The following GREB1 variants were observed in gnomAD, a reference collection of about 807,000 sequenced individuals.
GREB1 encodes growth regulating estrogen receptor binding 1.
In GREB1, 106 loss-of-function variants were observed where a neutral mutation model predicts 200.7. The ratio of observed to expected loss-of-function variants is 0.53; its 90% CI spans 0.45 to 0.62. The LOEUF is 0.62. Among genes scored for constraint, GREB1 ranks in the 20% least tolerant of loss-of-function variants. The probability of loss-of-function intolerance (pLI) is 0.00; values close to 1 mark genes in which losing one functional copy is unlikely to be tolerated. For missense variants in GREB1, 2,243 were observed against 2,556.8 expected (o/e 0.88, Z 2.65); for synonymous variants, 1,132 against 1,092.4 (o/e 1.04, Z -0.72).
chr2:11,543,899 C>T (rs1674994349), intron 1 of GREB1, among the ~76,000 whole-genome samples: 1 of 151,958 alleles, frequency 6.6e-6, no homozygotes, highest in Admixed American at 6.6e-5. Flanking sequence ...TGTGAATGGA[C>T]CGGGGAGTGG....
Position 11,597,731 on chromosome 2 carries a change from G to T in GREB1, c.1955-50G>T, listed in dbSNP as rs775014971. On this transcript the variant is annotated intron_variant, in intron 13 of 32. Coordinates refer to ENST00000381486, the MANE Select transcript of GREB1 (RefSeq NM_014668.4). The surrounding 1 kb of genome is among the most constrained non-coding windows in gnomAD (Gnocchi z 4.1). ...TGATTCTCTGGCCAAGGGCCTGGCA[G>T]TAGCCGTGTGCCCTGGAGCTCACCT... 1.9e-6 allele frequency: 3 copies of T among 1,548,692 alleles called. No homozygotes were observed. Among genetic ancestry groups the T allele is most frequent in the East Asian group, 2.2e-5 (1 of 44,522 alleles).
intron 1 of GREB1, among the ~76,000 whole-genome samples, chr2:11,542,257 AG>A (rs1186294086): frequency 2.0e-5 from 3 of 152,240 alleles, no homozygotes; most frequent in Non-Finnish European, 4.4e-5. Flanking sequence ...GGGCAGGCAT[AG>A]AACAGGCCAG....
chr2:11,585,218 C>T lies in GREB1; in HGVS notation c.959C>T (p.Ser320Phe). The change falls in exon 8 of 33, where the codon TCT (serine) becomes TTT (phenylalanine). Residue 320 changes from serine to phenylalanine, a missense_variant. Around this residue, in one of 3 missense-constraint regions of GREB1, gnomAD observed 1,178 missense variants for 1,387.4 expected, o/e 0.85. Coordinates refer to ENST00000381486, the MANE Select transcript of GREB1 (RefSeq NM_014668.4). ...CGCCACAAAGGGTGGTCTCCAGAAT[C>T]TCCATCAGCTCCAGATGGTGGCTGC... ...KKRHKGWSPESPSAPDGGCPQ... is the reference protein window; with the variant it reads ...KKRHKGWSPEFPSAPDGGCPQ... 6.3e-7 allele frequency: 1 copy of T among 1,583,924 alleles called. No homozygotes were observed. The highest frequency in any genetic ancestry group is 1.2e-5 in the South Asian group (1 of 85,640).
chr2:11,639,591 G>A (rs1685659592), intron 32 of GREB1, among the ~76,000 whole-genome samples: 1 of 152,184 alleles, frequency 6.6e-6, no homozygotes, highest in African/African-American at 2.4e-5. Flanking sequence ...ACGATTTCCA[G>A]TCTGCATTTC....
rs1211011498 is a variant in GREB1 at position 11,587,739 on chromosome 2, A to ACGCG, written c.1160-1006_1160-1005insGCGC. On this transcript the variant is annotated intron_variant, in intron 9 of 32. Coordinates refer to ENST00000381486, the MANE Select transcript of GREB1 (RefSeq NM_014668.4). ...CACACACACACACACACACACACAC[A>ACGCG]CACGCCACCTTTGGGAGCTCAGCAG... is the stretch of plus-strand genomic sequence containing the variant. The ACGCG allele has an allele frequency of 1.1e-3, 741 of 697,790 alleles. 84 individuals are homozygous for ACGCG. In the East Asian group the frequency reaches 0.017, roughly 16 times the overall value. 43.2% of individuals were successfully genotyped at this position (697,790 alleles called of 1,614,324 possible).
At position 11,556,485 on chromosome 2, in the gene GREB1, C is replaced by T. The variant is rs541283579; in HGVS notation, c.-130C>T. ...CAGCTGAGGACAGCCACCCTTTCTT[C>T]GTCTCTGCTGAGCGAAGGCTACACG... On this transcript the variant is annotated 5_prime_UTR_variant, in exon 2 of 33. Coordinates refer to ENST00000381486, the MANE Select transcript of GREB1 (RefSeq NM_014668.4). The T allele has an allele frequency of 1.5e-5, 10 of 674,112 alleles. No individual in the cohort carries two copies. The highest frequency in any genetic ancestry group is 2.8e-5 in the Admixed American group (1 of 35,938). The allele number at this position is 674,112 out of a possible 1,614,324, so 41.8% of individuals were successfully genotyped here. A position where few individuals can be genotyped will look rare whatever the true frequency, so the allele number is the denominator to read the frequency against.
chr2:11,605,558 C>G (rs1212299633), intron 17 of GREB1, among the ~76,000 whole-genome samples: 1 of 152,104 alleles, frequency 6.6e-6, no homozygotes, highest in Non-Finnish European at 1.5e-5. Context: ...ACATTTTGAT[C>G]CACGTATAGA....
chr2:11,603,614 A>G (rs1681979626), intron 17 of GREB1, among the ~76,000 whole-genome samples: 1 of 152,198 alleles, frequency 6.6e-6, no homozygotes, highest in Non-Finnish European at 1.5e-5. Flanking sequence ...CAGAAACTAA[A>G]TCTCTTAGAT....
chr2:11,515,627 G>C (rs1176441859), intron 1 of GREB1, among the ~76,000 whole-genome samples: 1 of 152,194 alleles, frequency 6.6e-6, no homozygotes, highest in African/African-American at 2.4e-5. Flanking sequence ...TGACCTGGTG[G>C]CTTCAAGGTG....
At chr2:11,515,698 G>C (rs911689941) in intron 1 of GREB1, among the ~76,000 whole-genome samples, 18 of 152,234 alleles carry the variant, frequency 1.2e-4, no homozygotes, top group Non-Finnish European at 7.3e-5. Flanking sequence ...GGGCAGAGCA[G>C]ATGTTCTCAG....
intron 4 of GREB1, among the ~76,000 whole-genome samples, chr2:11,574,189 G>A (rs901699366): frequency 5.3e-5 from 8 of 152,174 alleles, no homozygotes; most frequent in Admixed American, 2.6e-4. Flanking sequence ...CTTCCCTCTC[G>A]ATGTTAACCG....
Position 11,592,855 on chromosome 2 carries a change from C to G in GREB1, c.1425C>G (p.Ile475Met), listed in dbSNP as rs1680872219. ...GGCGCGAGTCGCACCTGACCGAGAT[C>G]CGGCAGTACCAGCAGGCGCCGCCGC... Reference protein sequence around the residue: ...RSWRESHLTEIRQYQQAPPQP... With the variant: ...RSWRESHLTEMRQYQQAPPQP... Residue 475 changes from isoleucine to methionine, a missense_variant, in exon 11 of 33, where the codon ATC becomes ATG. Around this residue, in one of 3 missense-constraint regions of GREB1, gnomAD observed 1,178 missense variants for 1,387.4 expected, o/e 0.85. Transcript: ENST00000381486. The G allele has an allele frequency of 6.3e-7, 1 of 1,599,890 alleles. No homozygotes were observed. Among genetic ancestry groups the G allele is most frequent in the African/African-American group, 1.4e-5 (1 of 73,510 alleles).
At chr2:11,534,680 A>T (rs761490390) in intron 1 of GREB1, among the ~76,000 whole-genome samples, 1 of 152,218 alleles carries the variant, frequency 6.6e-6, no homozygotes, top group Non-Finnish European at 1.5e-5. Context: ...GTTGGGAAAC[A>T]GAGTGTGGCC....
intron 1 of GREB1, among the ~76,000 whole-genome samples, chr2:11,545,449 G>A (rs936073664): frequency 5.9e-5 from 9 of 152,110 alleles, no homozygotes; most frequent in Admixed American, 1.3e-4. Context: ...AACTTTCTAT[G>A]GCAGCTCCCC....
In GREB1 at chr2:11,552,171, C is replaced by T. The variant is rs577816510; in HGVS notation, c.-161-4283C>T. Among the ~76,000 whole-genome samples the T allele has an allele frequency of 2.4e-4, 36 of 152,298 alleles. No individual in the cohort carries two copies. In the East Asian group the frequency reaches 6.6e-3, roughly 28 times the overall value. On this transcript the variant is annotated intron_variant, in intron 1 of 32. Transcript: ENST00000381486. ...GTGCATTAAGGTGAAGGCTGTTGTTCGGCCATCATCACTGCCCTGATGGGC... is the reference window on the plus strand; with the variant it reads ...GTGCATTAAGGTGAAGGCTGTTGTTTGGCCATCATCACTGCCCTGATGGGC...
Position 11,616,612 on chromosome 2 carries a change from CGT to C in GREB1, c.3323-12_3323-11del. 1 of 1,486,326 alleles carries C rather than the reference CGT, an allele frequency of 6.7e-7. No individual in the cohort carries two copies. Among genetic ancestry groups the C allele is most frequent in the Non-Finnish European group, 9.4e-7 (1 of 1,063,428 alleles). The allele number at this position is 1,486,326 out of a possible 1,614,324, so 92.1% of individuals were successfully genotyped here. The stretch of plus-strand genomic sequence containing the variant: ...AATGGTGATTTCGGTGCATTCTCAG[CGT>C]GTGTGTTTTGGAACAGGCTCTACCT... On this transcript the variant is annotated splice_polypyrimidine_tract_variant and intron_variant, in intron 20 of 32. Coordinates refer to ENST00000381486, the MANE Select transcript of GREB1 (RefSeq NM_014668.4).
intron 1 of GREB1, among the ~76,000 whole-genome samples, chr2:11,516,995 C>A (rs902238433): frequency 6.6e-6 from 1 of 152,220 alleles, no homozygotes; most frequent in African/African-American, 2.4e-5. Flanking sequence ...CCAGTCCAAG[C>A]TCCTTAATAT....
At position 11,620,976 on chromosome 2, in the gene GREB1, G is replaced by A; in HGVS notation, c.4116G>A (p.Val1372=). 1 of 1,610,964 alleles carries A rather than the reference G, an allele frequency of 6.2e-7. No homozygotes were observed. Among genetic ancestry groups the A allele is most frequent in the Non-Finnish European group, 8.5e-7 (1 of 1,177,078 alleles). Residue 1372 remains valine, a synonymous_variant, in exon 23 of 33, where the codon GTG becomes GTA. Transcript: ENST00000381486. ...GGATGCTTGTTCGGCTCACAGAAGT[G>A]GATGTCTATGACGAGGAGGAGATCA... ...LSRMLVRLTE[V]DVYDEEEINI... is the part of the protein sequence containing the mutation.
intron 6 of GREB1, 57 bp downstream of exon 6, chr2:11,578,488 G>C: frequency 1.3e-6 from 2 of 1,573,350 alleles, no homozygotes; most frequent in South Asian, 2.2e-5. Context: ...CACTGTCTCC[G>C]ATGTGTCCGG....
Sources: gnomAD v4.1 joint callset for allele counts (sites outside exome capture counted in the v4.1 genomes callset) on GRCh38, gnomAD v4.1.1 for gene constraint, gnomAD v4.1.1 regional missense constraint, Gnocchi (gnomAD v3.1) non-coding constraint, MANE v1.5 for transcripts, NCBI Gene and HGNC (gene_info 2026-07-23, HGNC 2026-07-21) for gene names.